The following MARCO variants were observed in gnomAD, a reference collection of about 807,000 sequenced individuals.
MARCO encodes macrophage receptor with collagenous structure.
MARCO carries 72 observed loss-of-function variants against 70.0 expected under a neutral mutation model. That is an observed-to-expected ratio of 1.03 (90% CI 0.85 to 1.25). The LOEUF is 1.25. Ranked by LOEUF, MARCO falls within the 50% of genes most tolerant of loss-of-function variation. The probability of loss-of-function intolerance (pLI) is 0.00; values close to 1 mark genes in which losing one functional copy is unlikely to be tolerated. For missense variants in MARCO, 696 were observed against 659.3 expected (o/e 1.06, Z -0.61); for synonymous variants, 273 against 243.1 (o/e 1.12, Z -1.14).
chr2:118,981,817 C>G (rs1175538505), intron 10 of MARCO, among the ~76,000 whole-genome samples, 161 bp downstream of exon 10: 1 of 152,198 alleles, frequency 6.6e-6, no homozygotes, highest in African/African-American at 2.4e-5. Context: ...ACAGAGCAGC[C>G]AGTGGGCGGT....
At chr2:118,957,366 C>T (rs1180551772) in intron 1 of MARCO, among the ~76,000 whole-genome samples, 2 of 151,962 alleles carry the variant, frequency 1.3e-5, no homozygotes, top group African/African-American at 4.8e-5. Context: ...AATACCTTTA[C>T]TCACATAAAC....
At chr2:118,966,567 A>T (rs1680055412) in intron 1 of MARCO, among the ~76,000 whole-genome samples, 1 of 152,182 alleles carries the variant, frequency 6.6e-6, no homozygotes, top group Non-Finnish European at 1.5e-5. Flanking sequence ...TGAATTTAAA[A>T]AGCATTCTGG....
chr2:118,979,601 C>T (rs556214059), intron 8 of MARCO, among the ~76,000 whole-genome samples: 5 of 152,262 alleles, frequency 3.3e-5, no homozygotes, highest in Admixed American at 1.3e-4. Context: ...ATGCAGCTTC[C>T]CAACCACACT....
At chr2:118,958,165 AT>A (rs1294804461) in intron 1 of MARCO, among the ~76,000 whole-genome samples, 1 of 151,974 alleles carries the variant, frequency 6.6e-6, no homozygotes, top group Non-Finnish European at 1.5e-5. Context: ...ATCAGACAAG[AT>A]TAAAAAAAAA....
chr2:118,954,896 TG>T (rs907302979), intron 1 of MARCO, among the ~76,000 whole-genome samples: 1 of 152,086 alleles, frequency 6.6e-6, no homozygotes, highest in African/African-American at 2.4e-5. Flanking sequence ...GAACACCCCG[TG>T]GGACAAAAAA....
At chr2:118,980,365 A>T (rs1444297593) in intron 8 of MARCO, among the ~76,000 whole-genome samples, 1 of 152,170 alleles carries the variant, frequency 6.6e-6, no homozygotes, top group African/African-American at 2.4e-5. Flanking sequence ...GTATTCAGCC[A>T]TCTCAAGGGG....
At chr2:118,970,399 C>T in intron 3 of MARCO, 61 bp downstream of exon 3, 1 of 1,306,982 alleles carries the variant, frequency 7.7e-7, no homozygotes, top group Non-Finnish European at 1.1e-6. Flanking sequence ...ACAGCGGGAT[C>T]AGGAACCAGG....
chr2:118,957,046 A>G (rs1558831391), intron 1 of MARCO, among the ~76,000 whole-genome samples: 1 of 152,052 alleles, frequency 6.6e-6, no homozygotes, highest in Non-Finnish European at 1.5e-5. Flanking sequence ...AAAGTCTGAA[A>G]GAGCACAGAC....
chr2:118,966,336 T>G (rs997330509), intron 1 of MARCO, among the ~76,000 whole-genome samples: 2 of 152,172 alleles, frequency 1.3e-5, no homozygotes, highest in Non-Finnish European at 2.9e-5. Flanking sequence ...AGCAGCTGTT[T>G]TTATCCTCTC....
chr2:118,958,151 AG>A (rs1679873406), intron 1 of MARCO, among the ~76,000 whole-genome samples: 1 of 152,014 alleles, frequency 6.6e-6, no homozygotes, highest in Non-Finnish European at 1.5e-5. Context: ...TCCTAGCCAG[AG>A]CAATCAGACA....
chr2:118,967,463 G>T (rs1422798716), intron 1 of MARCO, among the ~76,000 whole-genome samples: 1 of 152,152 alleles, frequency 6.6e-6, no homozygotes, highest in African/African-American at 2.4e-5. Context: ...CCCACTGAAG[G>T]GCTGAGAGCA....
intron 1 of MARCO, among the ~76,000 whole-genome samples, chr2:118,955,555 C>T (rs1164228416): frequency 6.6e-6 from 1 of 152,130 alleles, no homozygotes; most frequent in Non-Finnish European, 1.5e-5. Flanking sequence ...GAAAACTTTC[C>T]TGGCCTTCCC....
chr2:118,961,138 A>C (rs542372557), intron 1 of MARCO, among the ~76,000 whole-genome samples: 1 of 152,238 alleles, frequency 6.6e-6, no homozygotes, highest in South Asian at 2.1e-4. Flanking sequence ...CCAGTCTATC[A>C]TTGATGGACG....
intron 1 of MARCO, among the ~76,000 whole-genome samples, chr2:118,953,204 G>A (rs192845576): frequency 8.5e-4 from 129 of 152,308 alleles, no homozygotes; most frequent in African/African-American, 3.1e-3. Context: ...ATAAGGAAGG[G>A]GCATAGGCTG....
intron 1 of MARCO, among the ~76,000 whole-genome samples, chr2:118,963,807 C>T (rs933985325): frequency 5.9e-5 from 9 of 152,008 alleles, no homozygotes; most frequent in African/African-American, 2.2e-4. Context: ...TTTTTTAATA[C>T]AGTTTGGCAA....
At chr2:118,942,446 C>A in intron 1 of MARCO, 49 bp downstream of exon 1, 1 of 1,422,550 alleles carries the variant, frequency 7.0e-7, no homozygotes, top group Non-Finnish European at 9.9e-7. Flanking sequence ...TGTAGTCTTT[C>A]TGCTAGCGAG....
At chr2:118,976,813 T>C (rs2104588849) in intron 6 of MARCO, among the ~76,000 whole-genome samples, 1 of 152,298 alleles carries the variant, frequency 6.6e-6, no homozygotes, top group South Asian at 2.1e-4. Flanking sequence ...TTTCCTGCAC[T>C]GCCATGCAGG....
chr2:118,952,549 A>C (rs960772286), intron 1 of MARCO: 7 of 152,222 alleles, frequency 4.6e-5, no homozygotes, highest in Admixed American at 2.0e-4. Flanking sequence ...GCACATGTAC[A>C]TTTAGCCCTC....
intron 8 of MARCO, among the ~76,000 whole-genome samples, chr2:118,980,735 T>G (rs1680373635): frequency 6.6e-6 from 1 of 152,106 alleles, no homozygotes; most frequent in Non-Finnish European, 1.5e-5. Context: ...AGTAGTACCC[T>G]GCATTGCATG....
Sources: allele counts gnomAD v4.1 joint callset (sites outside exome capture counted in the v4.1 genomes callset), GRCh38; gene constraint gnomAD v4.1.1; transcripts MANE v1.5; gene names NCBI Gene and HGNC (gene_info 2026-07-23, HGNC 2026-07-21).